The following SENP2 variants were observed in gnomAD, a reference collection of about 807,000 sequenced individuals.
The protein encoded by SENP2 is sentrin-specific protease 2.
SENP2 carries 16 observed loss-of-function variants against 86.3 expected under a neutral mutation model. The observed-to-expected ratio is 0.19, with a 90% CI of 0.13 to 0.28. SENP2 has a LOEUF of 0.28. Among genes scored for constraint, SENP2 ranks in the 10% least tolerant of loss-of-function variants. The pLI is 1.00. For synonymous variants in SENP2, 222 were observed against 238.7 expected, an observed-to-expected ratio of 0.93 and a Z score of 0.64; for missense variants, 552 against 703.0, an observed-to-expected ratio of 0.79 and a Z score of 2.43.
intron 6 of SENP2, among the ~76,000 whole-genome samples, chr3:185,607,474 A>G (rs1339929844): frequency 6.6e-6 from 1 of 151,816 alleles, no homozygotes; most frequent in East Asian, 1.9e-4. Context: ...GATTACAGGC[A>G]TGTGCCACCA....
chr3:185,622,800 ACTTT>A (rs1424401779), intron 14 of SENP2, among the ~76,000 whole-genome samples: 1 of 141,412 alleles, frequency 7.1e-6, no homozygotes, highest in African/African-American at 2.6e-5. Flanking sequence ...GAAAATTCAT[ACTTT>A]ATTACATTCA....
chr3:185,596,604 GA>G (rs1722180721), intron 2 of SENP2, among the ~76,000 whole-genome samples: 1 of 146,656 alleles, frequency 6.8e-6, no homozygotes, highest in Admixed American at 6.9e-5. Context: ...CTGGGTGACA[GA>G]GTAAGACCCT....
Position 185,598,558 on chromosome 3 carries a change from G to A in SENP2, c.291+13G>A. On this transcript the variant is annotated intron_variant, in intron 3 of 16. Transcript: ENST00000296257. ...CCCTTCAGGAGAGGTCAGTGGGGAT[G>A]AGACTCCATTAGGAATACTGATCTT... 1.2e-6 allele frequency: 2 copies of A among 1,612,350 alleles called. No homozygotes were observed. The highest frequency in any genetic ancestry group is 1.7e-6 in the Non-Finnish European group (2 of 1,178,718).
chr3:185,606,976 TTC>T, intron 6 of SENP2: 1 of 250,846 alleles, frequency 4.0e-6, no homozygotes, highest in Non-Finnish European at 7.9e-6. Context: ...TGTTATATAT[TTC>T]TTTTTTCCTT....
chr3:185,623,652 A>G (rs555373381), intron 14 of SENP2, among the ~76,000 whole-genome samples: 17 of 151,948 alleles, frequency 1.1e-4, no homozygotes, highest in Admixed American at 9.8e-4. Flanking sequence ...GTGAAACCCC[A>G]TCTCTACTAA....
intron 1 of SENP2, among the ~76,000 whole-genome samples, chr3:185,587,938 A>C: frequency 6.9e-6 from 1 of 145,756 alleles, no homozygotes; most frequent in Non-Finnish European, 1.5e-5. Flanking sequence ...ACGGGGTTTC[A>C]CCATCTTGGC....
chr3:185,614,229 A>G (rs879605285), intron 10 of SENP2, among the ~76,000 whole-genome samples: 2 of 152,224 alleles, frequency 1.3e-5, no homozygotes, highest in Non-Finnish European at 2.9e-5. Context: ...ATTGTGGGTC[A>G]TATTTTTTGC....
chr3:185,599,977 A>G (rs1722292468), intron 4 of SENP2, among the ~76,000 whole-genome samples: 1 of 152,022 alleles, frequency 6.6e-6, no homozygotes, highest in Non-Finnish European at 1.5e-5. Flanking sequence ...TTGTATTTTT[A>G]GTAGAGACTG....
At chr3:185,625,120 T>C (rs1712081080) in intron 15 of SENP2, among the ~76,000 whole-genome samples, 1 of 151,854 alleles carries the variant, frequency 6.6e-6, no homozygotes, top group Non-Finnish European at 1.5e-5. Flanking sequence ...CAAATTTTTT[T>C]TTTTTTTTTG....
chr3:185,600,689 A>T, intron 4 of SENP2, 76 bp from the exon 5 acceptor site: 1 of 949,984 alleles, frequency 1.1e-6, no homozygotes, highest in Non-Finnish European at 1.7e-6. Context: ...TTGCTCACAG[A>T]TTTTTTTTCT....
intron 4 of SENP2, 112 bp downstream of exon 4, chr3:185,599,136 ATTCT>A (rs1421489493): frequency 1.2e-5 from 9 of 741,828 alleles, no homozygotes; most frequent in Non-Finnish European, 1.8e-5. Context: ...TGAGAAAGAC[ATTCT>A]TTCTACCGTT....
chr3:185,611,485 A>G (rs76010631), intron 7 of SENP2, 166 bp from the exon 8 acceptor site: 50,350 of 472,534 alleles, frequency 0.11, 4,372 homozygotes, highest in South Asian at 0.3. Context: ...TCATGATTAG[A>G]CTCCTTTTAT....
At position 185,586,795 on chromosome 3, in the gene SENP2, C is replaced by CT. The variant is rs1341787777; in HGVS notation, c.101+282dup. On this transcript the variant is annotated intron_variant, in intron 1 of 16. Transcript: ENST00000296257. The surrounding 1 kb of genome is among the most constrained non-coding windows in gnomAD (Gnocchi z 4.3). ...GGCTTTGCCGCTCTTAGGCTGAACA[C>CT]TAACATTGAAGGAATACTGTCTTTG... Among the ~76,000 whole-genome samples, 1 of 152,224 alleles carries CT rather than the reference C, an allele frequency of 6.6e-6. No individual in the cohort carries two copies. The highest frequency in any genetic ancestry group is 1.5e-5 in the Non-Finnish European group (1 of 68,044).
intron 5 of SENP2, among the ~76,000 whole-genome samples, chr3:185,604,672 C>CAT (rs1722452504): frequency 6.6e-6 from 1 of 152,182 alleles, no homozygotes; most frequent in African/African-American, 2.4e-5. Context: ...CTCATTCTCT[C>CAT]ATATATACAT....
chr3:185,597,631 A>G (rs1400413521), intron 2 of SENP2, among the ~76,000 whole-genome samples: 2 of 149,718 alleles, frequency 1.3e-5, no homozygotes, highest in East Asian at 2.0e-4. Flanking sequence ...TGCTGGGATT[A>G]CAGTCAAGAG....
At position 185,600,727 on chromosome 3, in the gene SENP2, T is replaced by C. The variant is rs762314264; in HGVS notation, c.359-38T>C. ...CCTTATGCAGACTGTTTGCAAGTGA[T>C]TTTTCATTTTACAATTACAAATGCA... is the stretch of plus-strand genomic sequence containing the variant. On this transcript the variant is annotated intron_variant, in intron 4 of 16. Transcript: ENST00000296257. The C allele has an allele frequency of 2.9e-6, 4 of 1,371,500 alleles. No homozygotes were observed. The South Asian group carries it at 3.5e-5, about 12-fold the overall frequency. The allele number at this position is 1,371,500 out of a possible 1,614,324, so 85.0% of individuals were successfully genotyped here.
intron 2 of SENP2, among the ~76,000 whole-genome samples, chr3:185,593,822 A>C (rs1341218464): frequency 1.3e-5 from 2 of 148,510 alleles, no homozygotes; most frequent in Non-Finnish European, 3.0e-5. Flanking sequence ...TCCACCTCCC[A>C]GGTTCAAGTG....
rs1309785160 is a variant in SENP2 at position 185,631,890 on chromosome 3, G to C, written c.*2046G>C. The C allele has an allele frequency of 6.6e-6, 1 of 151,322 alleles. No homozygotes were observed. The highest frequency in any genetic ancestry group is 1.5e-5 in the Non-Finnish European group (1 of 67,944). The allele number at this position is 151,322 out of a possible 1,614,324, so 9.4% of individuals were successfully genotyped here. On this transcript the variant is annotated 3_prime_UTR_variant, in exon 17 of 17. Transcript: ENST00000296257. ...TGTATTATTTTGAGGGGCTTCTTCA[G>C]AGCAGTTCTCACTGAGCTTTCCATT...
At chr3:185,620,312 A>G (rs1349153097) in intron 13 of SENP2, among the ~76,000 whole-genome samples, 1 of 152,096 alleles carries the variant, frequency 6.6e-6, no homozygotes, top group Non-Finnish European at 1.5e-5. Flanking sequence ...CCTGGCTTTA[A>G]GCAGTCCTCC....
Sources: gnomAD v4.1 joint callset for allele counts (sites outside exome capture counted in the v4.1 genomes callset) on GRCh38, gnomAD v4.1.1 for gene constraint, Gnocchi (gnomAD v3.1) non-coding constraint, MANE v1.5 for transcripts, NCBI Gene and HGNC (gene_info 2026-07-23, HGNC 2026-07-21) for gene names.